The following ITGB5 variants were observed in gnomAD, a reference collection of about 807,000 sequenced individuals.
The protein encoded by ITGB5 is integrin beta-5.
Under a neutral mutation model 84.8 loss-of-function variants are expected in ITGB5, and 38 were observed. That is an observed-to-expected ratio of 0.45 (90% CI 0.35 to 0.59). The LOEUF is 0.59. Among genes scored for constraint, ITGB5 ranks in the 20% least tolerant of loss-of-function variants. The probability of loss-of-function intolerance (pLI) is 0.01; values close to 1 mark genes in which losing one functional copy is unlikely to be tolerated. For missense variants in ITGB5, 905 were observed against 1,034.5 expected (o/e 0.87, Z 1.72); for synonymous variants, 393 against 414.4 (o/e 0.95, Z 0.63).
intron 12 of ITGB5, among the ~76,000 whole-genome samples, chr3:124,767,405 AAAG>A (rs777753813): frequency 6.6e-6 from 1 of 152,192 alleles, no homozygotes; most frequent in East Asian, 1.9e-4. Context: ...AGCTTGGAAG[AAAG>A]AAGAAAAAGG....
intron 10 of ITGB5, among the ~76,000 whole-genome samples, chr3:124,790,898 T>C (rs541527126): frequency 1.3e-5 from 2 of 152,334 alleles, no homozygotes; most frequent in East Asian, 3.9e-4. Flanking sequence ...TTCAAAATTC[T>C]ATATCCTATT....
At chr3:124,895,543 G>A (rs1935085121) in intron 1 of ITGB5, among the ~76,000 whole-genome samples, 1 of 152,122 alleles carries the variant, frequency 6.6e-6, no homozygotes, top group Admixed American at 6.6e-5. Flanking sequence ...CTTGTCTTAG[G>A]TATACTAGTG....
chr3:124,810,142 A>G (rs1559945712), intron 8 of ITGB5, among the ~76,000 whole-genome samples: 1 of 152,232 alleles, frequency 6.6e-6, no homozygotes, highest in Non-Finnish European at 1.5e-5. Flanking sequence ...TAGTATGTTC[A>G]TATAGTGGAA....
At chr3:124,816,875 C>T (rs750445372) in intron 8 of ITGB5, among the ~76,000 whole-genome samples, 1 of 152,250 alleles carries the variant, frequency 6.6e-6, no homozygotes, top group East Asian at 1.9e-4. Context: ...CATTCACGAA[C>T]CCTCTGAAAG....
intron 5 of ITGB5, among the ~76,000 whole-genome samples, chr3:124,832,216 A>T (rs73860423): frequency 0.012 from 1,867 of 152,216 alleles, 30 homozygotes; most frequent in African/African-American, 0.043. Flanking sequence ...ATAGACTGGG[A>T]CTGTGCTCTC....
rs1238291238 is a variant in ITGB5, at chr3:124,773,560, CA to C, written c.1916+129del. 4 of 742,770 alleles carry C rather than the reference CA, an allele frequency of 5.4e-6. No individual in the cohort carries two copies. In the African/African-American group the frequency reaches 7.0e-5, roughly 13 times the overall value. The allele number at this position is 742,770 out of a possible 1,614,324, so 46.0% of individuals were successfully genotyped here. ...TACGGTTGGTAAGAATGCGGCTCCC[CA>C]GCGAGGCTTGCTGGGTGGGAGATGC... On this transcript the variant is annotated intron_variant, in intron 11 of 14. Transcript: ENST00000296181.
chr3:124,893,531 A>T (rs76603866), intron 1 of ITGB5, among the ~76,000 whole-genome samples: 6,823 of 152,308 alleles, frequency 0.045, 218 homozygotes, highest in African/African-American at 0.08. Flanking sequence ...CTGGTTAGGA[A>T]AAAGTAATCC....
At chr3:124,865,482 T>TTTTA (rs1491275832) in intron 2 of ITGB5, among the ~76,000 whole-genome samples, 4 of 24,846 alleles carry the variant, frequency 1.6e-4, no homozygotes, top group African/African-American at 8.1e-4. Flanking sequence ...GGCTTTTTTC[T>TTTTA]TTTTTTTTTT....
At chr3:124,837,354 T>C (rs1294408313) in intron 5 of ITGB5, among the ~76,000 whole-genome samples, 1 of 152,148 alleles carries the variant, frequency 6.6e-6, no homozygotes, top group Admixed American at 6.5e-5. Flanking sequence ...ATTCTGACCA[T>C]AAAAAAGTAT....
chr3:124,896,360 A>G (rs920702534), intron 1 of ITGB5, among the ~76,000 whole-genome samples: 5 of 152,156 alleles, frequency 3.3e-5, no homozygotes, highest in African/African-American at 1.2e-4. Flanking sequence ...ATAAAACATG[A>G]TGCCTGCAAT....
rs1409424448 is a variant in ITGB5, at chr3:124,819,719, C to T, written c.1038+20G>A. On this transcript the variant is annotated intron_variant, in intron 7 of 14. Transcript: ENST00000296181. ...CCACTTCACCCCACAAATCACTAGC[C>T]TCCCTCCCTCCCAGCATACCTTGTA... is the stretch of plus-strand genomic sequence containing the variant. 1 of 1,554,942 alleles carries T rather than the reference C, an allele frequency of 6.4e-7. No individual in the cohort carries two copies. The highest frequency in any genetic ancestry group is 8.9e-7 in the Non-Finnish European group (1 of 1,125,996).
At chr3:124,880,219 T>C (rs777358390) in intron 1 of ITGB5, among the ~76,000 whole-genome samples, 1 of 152,240 alleles carries the variant, frequency 6.6e-6, no homozygotes, top group Non-Finnish European at 1.5e-5. Flanking sequence ...CAATGTATTG[T>C]GGTATCTTGG....
chr3:124,828,106 G>A (rs183172416), intron 5 of ITGB5, among the ~76,000 whole-genome samples: 23 of 152,236 alleles, frequency 1.5e-4, no homozygotes, highest in Admixed American at 7.2e-4. Flanking sequence ...TCACAGGGAC[G>A]TGCGTGAAAC....
intron 1 of ITGB5, among the ~76,000 whole-genome samples, chr3:124,880,133 C>T (rs1200424639): frequency 6.6e-6 from 1 of 152,124 alleles, no homozygotes; most frequent in Non-Finnish European, 1.5e-5. Context: ...CTTCTTAAAA[C>T]TGTCAAGGTC....
At chr3:124,896,424 C>T (rs1343236555) in intron 1 of ITGB5, among the ~76,000 whole-genome samples, 1 of 152,156 alleles carries the variant, frequency 6.6e-6, no homozygotes, top group Non-Finnish European at 1.5e-5. Context: ...CTTAGCCTTT[C>T]AGAGACCACA....
chr3:124,841,881 G>C (rs888762364), intron 4 of ITGB5, among the ~76,000 whole-genome samples: 1 of 152,190 alleles, frequency 6.6e-6, no homozygotes, highest in African/African-American at 2.4e-5. Context: ...TGTGGGACCC[G>C]GGGTGTGGGC....
At chr3:124,844,500 C>A (rs777050252) in intron 4 of ITGB5, among the ~76,000 whole-genome samples, 9 of 152,040 alleles carry the variant, frequency 5.9e-5, no homozygotes, top group Non-Finnish European at 1.3e-4. Context: ...GTGGAGGTTG[C>A]AGTGAGCTGA....
intron 5 of ITGB5, among the ~76,000 whole-genome samples, chr3:124,823,912 T>A (rs2107564964): frequency 6.6e-6 from 1 of 152,182 alleles, no homozygotes; most frequent in South Asian, 2.1e-4. Context: ...ATTTGACAAA[T>A]TGTATTAAGA....
At chr3:124,898,915 A>C (rs533877563) in intron 1 of ITGB5, among the ~76,000 whole-genome samples, 1 of 152,030 alleles carries the variant, frequency 6.6e-6, no homozygotes, top group Non-Finnish European at 1.5e-5. Context: ...GTCTCTACTA[A>C]AAATACAAAA....
Sources: allele counts gnomAD v4.1 joint callset (sites outside exome capture counted in the v4.1 genomes callset), GRCh38; gene constraint gnomAD v4.1.1; transcripts MANE v1.5; gene names NCBI Gene and HGNC (gene_info 2026-07-23, HGNC 2026-07-21).